The following RNF217 variants were observed in gnomAD, a reference collection of about 807,000 sequenced individuals.
RNF217 encodes ring finger protein 217, also known as E3 ubiquitin-protein ligase RNF217.
RNF217 carries 31 observed loss-of-function variants against 57.8 expected under a neutral mutation model. That is an observed-to-expected ratio of 0.54 (90% CI 0.40 to 0.72). The LOEUF (loss-of-function observed/expected upper bound fraction) is 0.72, where lower values mean the gene tolerates loss of function less well. RNF217 is among the 30% of genes least tolerant of loss of function. The pLI, the probability that RNF217 is intolerant of heterozygous loss-of-function variation, is 0.00. For synonymous variants in RNF217, 313 were observed against 294.0 expected, an observed-to-expected ratio of 1.06 and a Z score of -0.66; for missense variants, 696 against 708.3, an observed-to-expected ratio of 0.98 and a Z score of 0.20.
intron 1 of RNF217, chr6:125,005,969 G>C (rs952884175): frequency 6.6e-6 from 1 of 152,152 alleles, no homozygotes; most frequent in Non-Finnish European, 1.5e-5. Flanking sequence ...GTCAGAAAAG[G>C]TGTTTGTTAT....
chr6:124,983,584 C>G, intron 1 of RNF217: 1 of 768,736 alleles, frequency 1.3e-6, no homozygotes, highest in Middle Eastern at 6.5e-4. Context: ...GTAGGCTTCA[C>G]TTTCATAAGG....
intron 3 of RNF217, among the ~76,000 whole-genome samples, chr6:125,070,561 C>T (rs561828614): frequency 6.6e-6 from 1 of 152,252 alleles, no homozygotes; most frequent in South Asian, 2.1e-4. Flanking sequence ...GGTGGTATCT[C>T]ATTGTGTTTT....
chr6:125,044,048 T>C (rs1395771928), intron 1 of RNF217, among the ~76,000 whole-genome samples: 3 of 136,816 alleles, frequency 2.2e-5, no homozygotes, highest in Non-Finnish European at 4.9e-5. Context: ...TAAAAGTTAC[T>C]ATGAATTTAG....
rs2114678592 is a variant in RNF217 at position 125,091,035 on chromosome 6, A to C, written c.*8098A>C. 6.6e-6 allele frequency: 1 copy of C among 151,630 alleles called. No individual in the cohort carries two copies. Among genetic ancestry groups the C allele is most frequent in the East Asian group, 1.9e-4 (1 of 5,188 alleles). 9.4% of individuals were successfully genotyped at this position (151,630 alleles called of 1,614,324 possible). A position where few individuals can be genotyped will look rare whatever the true frequency, so the allele number is the denominator to read the frequency against. On this transcript the variant is annotated 3_prime_UTR_variant, in exon 6 of 6. Transcript: ENST00000521654. ...CGTTGAGATGAAATGTTGAGAAATA[A>C]GGAGTATCTTAAAAACCTAATTTCT... is the stretch of plus-strand genomic sequence containing the variant.
At chr6:125,003,293 A>G (rs1785056188) in intron 1 of RNF217, among the ~76,000 whole-genome samples, 1 of 152,230 alleles carries the variant, frequency 6.6e-6, no homozygotes, top group African/African-American at 2.4e-5. Flanking sequence ...TGAAGTAAGC[A>G]TATCATAGTG....
At chr6:125,060,283 A>G (rs1046713196) in intron 3 of RNF217, among the ~76,000 whole-genome samples, 2 of 152,032 alleles carry the variant, frequency 1.3e-5, no homozygotes, top group South Asian at 2.1e-4. Context: ...ATTATCACAT[A>G]TTTTCATATA....
At chr6:124,987,333 A>T (rs546431626) in intron 1 of RNF217, among the ~76,000 whole-genome samples, 19 of 152,144 alleles carry the variant, frequency 1.2e-4, no homozygotes, top group African/African-American at 4.3e-4. Context: ...AACTTTTTTT[A>T]TTCCCCCTAA....
At chr6:125,071,601 G>A (rs1428244346) in intron 3 of RNF217, among the ~76,000 whole-genome samples, 1 of 151,492 alleles carries the variant, frequency 6.6e-6, no homozygotes, top group Non-Finnish European at 1.5e-5. Context: ...ATGGCTCCTT[G>A]TGTCATTTCC....
chr6:124,962,589 G>A lies in RNF217; in HGVS notation c.45G>A (p.Gln15=). The A allele has an allele frequency of 7.8e-7, 1 of 1,283,698 alleles. No homozygotes were observed. The highest frequency in any genetic ancestry group is 3.3e-5 in the East Asian group (1 of 30,568). 79.5% of individuals were successfully genotyped at this position (1,283,698 alleles called of 1,614,324 possible). A position where few individuals can be genotyped will look rare whatever the true frequency, so the allele number is the denominator to read the frequency against. ...CGGTGAGCGGCGGCGGCGGGCCCCA[G>A]GAGTCGCAGACCCTGGCCAGTGGCA... ...QSTVSGGGGP[Q]ESQTLASGTA... is the part of the protein sequence containing the mutation. The change falls in exon 1 of 6, where the codon CAG becomes CAA. Residue 15 remains glutamine (Q), a synonymous_variant. Transcript: ENST00000521654. This position sits in a 1 kb window ranked among gnomAD's most constrained non-coding sequence, Gnocchi z 4.6.
At chr6:124,993,475 T>C (rs938153862) in intron 1 of RNF217, among the ~76,000 whole-genome samples, 2 of 152,190 alleles carry the variant, frequency 1.3e-5, no homozygotes, top group Non-Finnish European at 2.9e-5. Context: ...TTAGGAAATA[T>C]GAGAGAATAA....
intron 2 of RNF217, among the ~76,000 whole-genome samples, chr6:125,052,086 C>G (rs1238452663): frequency 6.6e-6 from 1 of 151,824 alleles, no homozygotes; most frequent in African/African-American, 2.4e-5. Flanking sequence ...TCAAACAACC[C>G]CCATTCTCAA....
At chr6:124,965,046 C>G (rs2114972829) in intron 1 of RNF217, among the ~76,000 whole-genome samples, 1 of 152,292 alleles carries the variant, frequency 6.6e-6, no homozygotes, top group South Asian at 2.1e-4. Context: ...GGCCCTTTCC[C>G]CAAAGCAGTT....
At chr6:125,025,633 G>C (rs1291633220) in intron 1 of RNF217, among the ~76,000 whole-genome samples, 1 of 150,072 alleles carries the variant, frequency 6.7e-6, no homozygotes, top group African/African-American at 2.5e-5. Flanking sequence ...GTGGGGAACA[G>C]AAAGTTGAAG....
At position 125,045,237 on chromosome 6, in the gene RNF217, A is replaced by G; in HGVS notation, c.909A>G (p.Lys303=). Reference sequence around the variant, plus strand: ...TACAACTTGGCCAAGTAGAAATCAAATGCCCCATCACAGAGTGTTTTGAAT... The same window carrying G: ...TACAACTTGGCCAAGTAGAAATCAAGTGCCCCATCACAGAGTGTTTTGAAT... ...AQVQLGQVEI[K]CPITECFEFL... The change falls in exon 2 of 6, where the codon AAA becomes AAG. Residue 303 remains lysine (K), a synonymous_variant. Coordinates refer to ENST00000521654, the MANE Select transcript of RNF217 (RefSeq NM_001286398.3). The G allele has an allele frequency of 6.2e-7, 1 of 1,612,764 alleles. No individual in the cohort carries two copies. Among genetic ancestry groups the G allele is most frequent in the Non-Finnish European group, 8.5e-7 (1 of 1,179,280 alleles).
At position 125,090,209 on chromosome 6, in the gene RNF217, G is replaced by A. The variant is rs143307745; in HGVS notation, c.*7272G>A. On this transcript the variant is annotated 3_prime_UTR_variant, in exon 6 of 6. Transcript: ENST00000521654. The stretch of plus-strand genomic sequence containing the variant: ...ATATAAAACCATTTACCTTGACAAG[G>A]ACAATCTGTTACAGATTTTTAATAT... The A allele has an allele frequency of 2.6e-5, 4 of 152,074 alleles. No homozygotes were observed. The highest frequency in any genetic ancestry group is 5.9e-5 in the Non-Finnish European group (4 of 67,940). The allele number at this position is 152,074 out of a possible 1,614,324, so 9.4% of individuals were successfully genotyped here. A position where few individuals can be genotyped will look rare whatever the true frequency, so the allele number is the denominator to read the frequency against.
chr6:125,024,859 T>C (rs1461641920), intron 1 of RNF217, among the ~76,000 whole-genome samples: 1 of 152,046 alleles, frequency 6.6e-6, no homozygotes, highest in African/African-American at 2.4e-5. Context: ...AGAAGCTTAG[T>C]ATAGAGATCT....
Position 125,082,734 on chromosome 6 carries a change from A to G in RNF217, c.1556-130A>G, listed in dbSNP as rs1562500724. The G allele has an allele frequency of 4.3e-6, 5 of 1,175,074 alleles. No homozygotes were observed. In the East Asian group the frequency reaches 7.2e-5, roughly 17 times the overall value. The allele number at this position is 1,175,074 out of a possible 1,614,324, so 72.8% of individuals were successfully genotyped here. On this transcript the variant is annotated intron_variant, in intron 5 of 5. Coordinates refer to ENST00000521654, the MANE Select transcript of RNF217 (RefSeq NM_001286398.3). Reference sequence around the variant, plus strand: ...AGAATGAAATATTGAAGAAGTAAATACATTTCATAGCATAGATGTCTTCTT... The same window carrying G: ...AGAATGAAATATTGAAGAAGTAAATGCATTTCATAGCATAGATGTCTTCTT...
chr6:124,963,824 A>G (rs538139380), intron 1 of RNF217, among the ~76,000 whole-genome samples: 1 of 152,388 alleles, frequency 6.6e-6, no homozygotes. Flanking sequence ...GGAGAAAAGA[A>G]TTGGAATAAA....
chr6:124,972,501 T>A (rs1783800325), intron 1 of RNF217, among the ~76,000 whole-genome samples: 1 of 152,218 alleles, frequency 6.6e-6, no homozygotes, highest in South Asian at 2.1e-4. Context: ...AGATTAGAAT[T>A]TAAACTTTAT....
Sources: allele counts gnomAD v4.1 joint callset (sites outside exome capture counted in the v4.1 genomes callset), GRCh38; gene constraint gnomAD v4.1.1; non-coding constraint Gnocchi (gnomAD v3.1); transcripts MANE v1.5; gene names NCBI Gene and HGNC (gene_info 2026-07-23, HGNC 2026-07-21).